The following RNF182 variants were observed in gnomAD, a reference collection of about 807,000 sequenced individuals.
RNF182 encodes the protein ring finger protein 182.
A neutral mutation model predicts 14.4 loss-of-function variants in RNF182; 15 were observed. The observed-to-expected ratio is 1.04, with a 90% CI of 0.70 to 1.60. The LOEUF is 1.60. Among genes scored for constraint, RNF182 ranks in the 40% most tolerant of loss-of-function variants. The probability of loss-of-function intolerance (pLI) is 0.00; values close to 1 mark genes in which losing one functional copy is unlikely to be tolerated. For synonymous variants in RNF182, 128 were observed against 122.9 expected, an observed-to-expected ratio of 1.04 and a Z score of -0.27; for missense variants, 268 against 294.8, an observed-to-expected ratio of 0.91 and a Z score of 0.67.
chr6:13,968,099 A>G (rs1010009477), intron 1 of RNF182, among the ~76,000 whole-genome samples: 2 of 152,224 alleles, frequency 1.3e-5, no homozygotes, highest in Non-Finnish European at 2.9e-5. Context: ...TAATAAAGAT[A>G]AAAGCTGAAA....
Position 13,977,022 on chromosome 6 carries a change from C to A in RNF182, c.-98C>A. ...CTACTTATCCTGCCTTTTTGCATCG[C>A]TGCCAGATTTGGATGATATGATATT... On this transcript the variant is annotated 5_prime_UTR_variant, in exon 3 of 3. It adds an upstream start codon to the 5' untranslated region. Transcript: ENST00000488300. 2 of 1,315,128 alleles carry A rather than the reference C, an allele frequency of 1.5e-6. No homozygotes were observed. Among genetic ancestry groups the A allele is most frequent in the Non-Finnish European group, 2.1e-6 (2 of 956,704 alleles). The allele number at this position is 1,315,128 out of a possible 1,614,324, so 81.5% of individuals were successfully genotyped here.
chr6:13,925,656 T>G (rs1182203941), intron 1 of RNF182, among the ~76,000 whole-genome samples: 2 of 152,198 alleles, frequency 1.3e-5, no homozygotes, highest in Non-Finnish European at 2.9e-5. Context: ...GTACCGATAC[T>G]TTGTCAAGGA....
At chr6:13,956,914 GC>G (rs991505235) in intron 1 of RNF182, among the ~76,000 whole-genome samples, 1 of 146,424 alleles carries the variant, frequency 6.8e-6, no homozygotes, top group African/African-American at 2.5e-5. Context: ...ACCACCCCCC[GC>G]CCCCCACCAT....
At chr6:13,933,377 A>C (rs532758711) in intron 1 of RNF182, among the ~76,000 whole-genome samples, 30 of 152,178 alleles carry the variant, frequency 2.0e-4, no homozygotes, top group Middle Eastern at 3.4e-3. Flanking sequence ...TTAGCTGGGC[A>C]TGGTGGTACG....
chr6:13,928,475 C>CT (rs769781940), intron 1 of RNF182, among the ~76,000 whole-genome samples: 132 of 151,978 alleles, frequency 8.7e-4, no homozygotes, highest in Non-Finnish European at 1.5e-3. Flanking sequence ...TTGTTTTCAG[C>CT]CTTCCTTTTT....
Position 13,977,477 on chromosome 6 carries a change from A to G in RNF182, c.358A>G (p.Ser120Gly). Residue 120 changes from serine (S) to glycine (G), a missense_variant, in exon 3 of 3, where the codon AGT becomes GGT. By Grantham distance (56) the Ser-to-Gly change is moderately conservative. Coordinates refer to ENST00000488300, the MANE Select transcript of RNF182 (RefSeq NM_152737.4). Reference protein sequence around the residue: ...LTPKRLASLVSPSHTSSNCLV... With the variant: ...LTPKRLASLVGPSHTSSNCLV... ...CCCCAAGAGGCTGGCCTCTCTGGTC[A>G]GTCCTTCTCACACGTCCTCCAACTG... 1.2e-6 allele frequency: 2 copies of G among 1,614,156 alleles called. No individual in the cohort carries two copies. Among genetic ancestry groups the G allele is most frequent in the Non-Finnish European group, 1.7e-6 (2 of 1,180,018 alleles).
intron 1 of RNF182, among the ~76,000 whole-genome samples, chr6:13,952,492 A>G (rs912371665): frequency 3.3e-5 from 5 of 152,058 alleles, no homozygotes; most frequent in Admixed American, 6.6e-5. Flanking sequence ...AGGGATGCTA[A>G]CCCTTCTGAG....
intron 1 of RNF182, among the ~76,000 whole-genome samples, chr6:13,926,122 A>G (rs1758818565): frequency 2.0e-5 from 3 of 152,232 alleles, no homozygotes; most frequent in Non-Finnish European, 4.4e-5. Context: ...GAGATGTCAT[A>G]TTGATAACTG....
chr6:13,952,918 G>A (rs950767301), intron 1 of RNF182, among the ~76,000 whole-genome samples: 2 of 152,130 alleles, frequency 1.3e-5, no homozygotes, highest in Non-Finnish European at 2.9e-5. Flanking sequence ...CTACTACAAC[G>A]GCTTGTGACA....
intron 1 of RNF182, among the ~76,000 whole-genome samples, chr6:13,950,202 G>T (rs114464804): frequency 2.6e-4 from 40 of 152,270 alleles, no homozygotes; most frequent in African/African-American, 8.4e-4. Context: ...AACTTGGTGA[G>T]TGAGCGATTT....
At chr6:13,933,526 A>G (rs1170638971) in intron 1 of RNF182, among the ~76,000 whole-genome samples, 1 of 152,182 alleles carries the variant, frequency 6.6e-6, no homozygotes, top group East Asian at 1.9e-4. Flanking sequence ...CTTAAAAAAA[A>G]AGAAAAAGTA....
At chr6:13,953,349 A>G (rs558718616) in intron 1 of RNF182, among the ~76,000 whole-genome samples, 7 of 152,304 alleles carry the variant, frequency 4.6e-5, no homozygotes, top group African/African-American at 1.7e-4. Context: ...GAAGATGTAG[A>G]ACAAAGGGAT....
At chr6:13,961,853 G>T (rs1759892653) in intron 1 of RNF182, among the ~76,000 whole-genome samples, 2 of 152,172 alleles carry the variant, frequency 1.3e-5, no homozygotes, top group South Asian at 2.1e-4. Context: ...ACCATTAGGG[G>T]TTATGGGTAT....
At chr6:13,973,506 A>G (rs984270519) in intron 1 of RNF182, among the ~76,000 whole-genome samples, 1 of 152,178 alleles carries the variant, frequency 6.6e-6, no homozygotes, top group East Asian at 1.9e-4. Context: ...GGGCAGGGCC[A>G]GGTGGAGATA....
intron 1 of RNF182, among the ~76,000 whole-genome samples, chr6:13,934,949 C>A (rs7764529): frequency 0.082 from 12,428 of 152,028 alleles, 1,614 homozygotes; most frequent in African/African-American, 0.27. Flanking sequence ...AGATGAAATG[C>A]GGTTAGAAAG....
Position 13,972,332 on chromosome 6 carries a change from A to G in RNF182, c.-366-1878A>G, listed in dbSNP as rs186653451. Among the ~76,000 whole-genome samples, 922 of 152,124 alleles carry G rather than the reference A, an allele frequency of 6.1e-3. 9 individuals are homozygous for G. Among genetic ancestry groups the G allele is most frequent in the South Asian group, 0.042 (203 of 4,816 alleles). ...AAAAAAAAAAAAAAAGCAGGGCATAAAAGTTGAGAAAATTTGCAGCTTGAC... is the reference window on the plus strand; with the variant it reads ...AAAAAAAAAAAAAAAGCAGGGCATAGAAGTTGAGAAAATTTGCAGCTTGAC... On this transcript the variant is annotated intron_variant, in intron 1 of 2. Coordinates refer to ENST00000488300, the MANE Select transcript of RNF182 (RefSeq NM_152737.4).
intron 1 of RNF182, among the ~76,000 whole-genome samples, chr6:13,937,095 C>G (rs1002005936): frequency 6.6e-6 from 1 of 152,166 alleles, no homozygotes; most frequent in Non-Finnish European, 1.5e-5. Context: ...TTTTCACAAT[C>G]ACATTACTTG....
At position 13,979,760 on chromosome 6, in the gene RNF182, G is replaced by T. The variant is rs189031163; in HGVS notation, c.*1897G>T. 1.4e-4 allele frequency: 23 copies of T among 167,074 alleles called. No homozygotes were observed. Among genetic ancestry groups the T allele is most frequent in the Admixed American group, 5.2e-4 (8 of 15,296 alleles). 10.3% of individuals were successfully genotyped at this position (167,074 alleles called of 1,614,324 possible). On this transcript the variant is annotated 3_prime_UTR_variant, in exon 3 of 3. Coordinates refer to ENST00000488300, the MANE Select transcript of RNF182 (RefSeq NM_152737.4). The stretch of plus-strand genomic sequence containing the variant: ...AGTAAATTGGTGAGTTATATAATGA[G>T]ATTTCTAGAAAGCTCTGGACATGGG...
At chr6:13,928,247 C>T (rs1371736950) in intron 1 of RNF182, among the ~76,000 whole-genome samples, 4 of 152,206 alleles carry the variant, frequency 2.6e-5, no homozygotes, top group African/African-American at 7.2e-5. Context: ...TCAAGATAAA[C>T]GATTGTTTTC....
Sources: allele counts gnomAD v4.1 joint callset (sites outside exome capture counted in the v4.1 genomes callset), GRCh38; gene constraint gnomAD v4.1.1; transcripts MANE v1.5; gene names NCBI Gene and HGNC (gene_info 2026-07-23, HGNC 2026-07-21).